The following UBE2F variants were observed in gnomAD, a reference collection of about 807,000 sequenced individuals.
UBE2F encodes the protein NEDD8-conjugating enzyme UBE2F.
A neutral mutation model predicts 29.6 loss-of-function variants in UBE2F; 5 were observed. The observed-to-expected ratio is 0.17, with a 90% CI of 0.09 to 0.36. The LOEUF (loss-of-function observed/expected upper bound fraction) is 0.36. Among genes scored for constraint, UBE2F ranks in the 10% least tolerant of loss-of-function variants. The probability of loss-of-function intolerance (pLI) is 1.00; values close to 1 mark genes in which losing one functional copy is unlikely to be tolerated. For missense variants in UBE2F, 141 were observed against 228.5 expected (o/e 0.62, Z 2.47); for synonymous variants, 66 against 81.8 (o/e 0.81, Z 1.04).
chr2:237,981,417 C>T (rs889672178), intron 2 of UBE2F, among the ~76,000 whole-genome samples: 4 of 152,064 alleles, frequency 2.6e-5, no homozygotes, highest in Admixed American at 6.6e-5. Context: ...TGCCAAGCAT[C>T]TTTATTGAAA....
At chr2:238,030,474 C>A in intron 6 of UBE2F, 82 bp from the exon 7 acceptor site, 1 of 939,484 alleles carries the variant, frequency 1.1e-6, no homozygotes. Context: ...TCCTGCATGG[C>A]ACACACCGAG....
chr2:237,971,350 G>A (rs2063172584), intron 1 of UBE2F, among the ~76,000 whole-genome samples: 1 of 151,970 alleles, frequency 6.6e-6, no homozygotes, highest in African/African-American at 2.4e-5. Context: ...ATTTTTTTGA[G>A]TCTCACTCTG....
chr2:237,970,824 C>T (rs2063162122), intron 1 of UBE2F, among the ~76,000 whole-genome samples: 1 of 152,226 alleles, frequency 6.6e-6, no homozygotes, highest in African/African-American at 2.4e-5. Context: ...TCTTCTGCCT[C>T]AGCCTCCTGA....
chr2:237,979,473 G>A (rs750455368), intron 2 of UBE2F, among the ~76,000 whole-genome samples: 3 of 152,236 alleles, frequency 2.0e-5, no homozygotes, highest in Admixed American at 6.5e-5. Flanking sequence ...TGTCTCCAGC[G>A]TGTCCTGGCG....
chr2:237,975,506 A>G (rs1005567469), intron 2 of UBE2F, among the ~76,000 whole-genome samples: 2 of 152,174 alleles, frequency 1.3e-5, no homozygotes, highest in African/African-American at 2.4e-5. Flanking sequence ...GGTTGACAAC[A>G]TGGAGATTGC....
At chr2:238,018,860 G>A (rs1363923651) in intron 5 of UBE2F, among the ~76,000 whole-genome samples, 1 of 152,164 alleles carries the variant, frequency 6.6e-6, no homozygotes, top group African/African-American at 2.4e-5. Context: ...CACATCAGGT[G>A]GTGAGAAAAT....
rs1182523784 is a variant in UBE2F, at chr2:237,967,666, C to T, written c.-17+534C>T. On this transcript the variant is annotated intron_variant, in intron 1 of 9. Transcript: ENST00000272930. The surrounding 1 kb of genome is among the most constrained non-coding windows in gnomAD (Gnocchi z 6.3). ...GGTGAGGGGAGTGACAACTCGCGCC[C>T]GGTCCTCGTACCTGCAGCGGGAAGA... is the stretch of plus-strand genomic sequence containing the variant. 2.0e-5 allele frequency among the ~76,000 whole-genome samples: 3 copies of T among 152,198 alleles called. No individual in the cohort carries two copies. The highest frequency in any genetic ancestry group is 4.8e-5 in the African/African-American group (2 of 41,446).
At chr2:238,003,531 A>T (rs975362231) in intron 4 of UBE2F, 6 of 377,204 alleles carry the variant, frequency 1.6e-5, no homozygotes, top group Non-Finnish European at 2.2e-5. Flanking sequence ...TCCTGAAGTG[A>T]GTATGACATG....
intron 3 of UBE2F, among the ~76,000 whole-genome samples, chr2:237,992,828 T>C (rs1576604413): frequency 2.0e-5 from 3 of 152,334 alleles, no homozygotes; most frequent in African/African-American, 4.8e-5. Context: ...TTGTCCTGTT[T>C]TCGATAAAAA....
intron 4 of UBE2F, chr2:238,003,329 C>G (rs141873080): frequency 2.1e-6 from 1 of 470,494 alleles, no homozygotes; most frequent in East Asian, 6.9e-5. Flanking sequence ...TAACTTTCAT[C>G]AGGAAAACAT....
At chr2:238,020,583 GA>G (rs1296695328) in intron 5 of UBE2F, among the ~76,000 whole-genome samples, 5 of 152,190 alleles carry the variant, frequency 3.3e-5, no homozygotes, top group Non-Finnish European at 7.3e-5. Flanking sequence ...TGTGAATGTG[GA>G]AAACCTTTAA....
chr2:238,003,904 T>G (rs936032764), intron 4 of UBE2F, among the ~76,000 whole-genome samples: 1 of 152,210 alleles, frequency 6.6e-6, no homozygotes, highest in Non-Finnish European at 1.5e-5. Flanking sequence ...CTCGATCTGC[T>G]TTGTAGATCC....
In UBE2F at chr2:238,030,753, C is replaced by T. The variant is rs902677348; in HGVS notation, c.411+140C>T. On this transcript the variant is annotated intron_variant, in intron 7 of 9. Coordinates refer to ENST00000272930, the MANE Select transcript of UBE2F (RefSeq NM_080678.3). ...CCGGACACACCCTGCCTCCTCTTCTCCCTGCTGCCTAGGCTACTTAGCCAG... is the reference window on the plus strand; with the variant it reads ...CCGGACACACCCTGCCTCCTCTTCTTCCTGCTGCCTAGGCTACTTAGCCAG... 3 of 683,538 alleles carry T rather than the reference C, an allele frequency of 4.4e-6. No individual in the cohort carries two copies. The African/African-American group carries it at 5.3e-5, about 12-fold the overall frequency. 42.3% of individuals were successfully genotyped at this position (683,538 alleles called of 1,614,324 possible). A position where few individuals can be genotyped will look rare whatever the true frequency, so the allele number is the denominator to read the frequency against.
chr2:238,012,787 A>T (rs1396108717), intron 4 of UBE2F, among the ~76,000 whole-genome samples: 2 of 152,180 alleles, frequency 1.3e-5, no homozygotes, highest in African/African-American at 4.8e-5. Flanking sequence ...GGAAGGCACC[A>T]TGGCTGTTGT....
At chr2:237,981,263 C>T (rs1407873803) in intron 2 of UBE2F, among the ~76,000 whole-genome samples, 1 of 152,204 alleles carries the variant, frequency 6.6e-6, no homozygotes, top group Middle Eastern at 3.2e-3. Flanking sequence ...CACCTTGACT[C>T]TAAGGTGATA....
chr2:238,001,395 TGTG>T (rs1386418819), intron 4 of UBE2F, among the ~76,000 whole-genome samples: 2 of 152,220 alleles, frequency 1.3e-5, no homozygotes, highest in Non-Finnish European at 2.9e-5. Context: ...TTATCAGATA[TGTG>T]GTGTTTTTTT....
At chr2:238,011,665 C>T (rs1446284919) in intron 4 of UBE2F, among the ~76,000 whole-genome samples, 2 of 152,140 alleles carry the variant, frequency 1.3e-5, no homozygotes, top group African/African-American at 2.4e-5. Flanking sequence ...AGCATTTTCC[C>T]TGATTAAATT....
chr2:237,983,661 G>C (rs2063422162), intron 2 of UBE2F, among the ~76,000 whole-genome samples: 1 of 152,096 alleles, frequency 6.6e-6, no homozygotes, highest in Non-Finnish European at 1.5e-5. Context: ...ACTTCTTGAA[G>C]GAATTGTGCT....
At chr2:237,986,633 T>G (rs1468211310) in intron 2 of UBE2F, among the ~76,000 whole-genome samples, 1 of 152,238 alleles carries the variant, frequency 6.6e-6, no homozygotes, top group East Asian at 1.9e-4. Flanking sequence ...TCTAGGAGTT[T>G]TATACTTTCA....
Sources: gnomAD v4.1 joint callset for allele counts (sites outside exome capture counted in the v4.1 genomes callset) on GRCh38, gnomAD v4.1.1 for gene constraint, Gnocchi (gnomAD v3.1) non-coding constraint, MANE v1.5 for transcripts, NCBI Gene and HGNC (gene_info 2026-07-23, HGNC 2026-07-21) for gene names.